Variants in PCDHGA8 observed in about 807,000 individuals in gnomAD.
PCDHGA8 encodes protocadherin gamma-A8.
In PCDHGA8, 45 loss-of-function variants were observed where a neutral mutation model predicts 59.2. The ratio of observed to expected loss-of-function variants is 0.76; its 90% CI spans 0.60 to 0.98. The LOEUF is 0.98. Ranked by LOEUF, PCDHGA8 falls within the 50% of genes least tolerant of loss-of-function variation. The pLI, the probability that PCDHGA8 is intolerant of heterozygous loss-of-function variation, is 0.00. For synonymous variants in PCDHGA8, 531 were observed against 519.0 expected, an observed-to-expected ratio of 1.02 and a Z score of -0.32; for missense variants, 1,257 against 1,196.2, an observed-to-expected ratio of 1.05 and a Z score of -0.75.
chr5:141,437,385 C>T (rs543945898), intron 1 of PCDHGA8, among the ~76,000 whole-genome samples: 12 of 152,202 alleles, frequency 7.9e-5, no homozygotes, highest in Non-Finnish European at 1.6e-4. Flanking sequence ...AGAAGACATT[C>T]ATCCACTGCT....
chr5:141,427,994 C>T, intron 1 of PCDHGA8: 1 of 1,599,396 alleles, frequency 6.3e-7, no homozygotes, highest in Non-Finnish European at 8.6e-7. Flanking sequence ...CCGATGGCTC[C>T]GCACTCTTCG....
intron 1 of PCDHGA8, among the ~76,000 whole-genome samples, chr5:141,474,684 T>A (rs1302389621): frequency 6.6e-6 from 1 of 152,246 alleles, no homozygotes; most frequent in Non-Finnish European, 1.5e-5. Context: ...TGCCTACCCC[T>A]TCACTTATGT....
chr5:141,500,937 C>G (rs910002814), intron 2 of PCDHGA8, among the ~76,000 whole-genome samples: 1 of 151,804 alleles, frequency 6.6e-6, no homozygotes, highest in Non-Finnish European at 1.5e-5. Context: ...GGCGCCATCT[C>G]GGCTCACTGC....
chr5:141,465,801 C>T (rs1380215288), intron 1 of PCDHGA8, among the ~76,000 whole-genome samples: 2 of 151,400 alleles, frequency 1.3e-5, no homozygotes, highest in Non-Finnish European at 2.9e-5. Context: ...TTAAGAAACC[C>T]TTCAGGATCT....
At position 141,454,263 on chromosome 5, in the gene PCDHGA8, T is replaced by C. The variant is rs954231508; in HGVS notation, c.2425-40544T>C. Among the ~76,000 whole-genome samples, 42 of 152,140 alleles carry C rather than the reference T, an allele frequency of 2.8e-4. 1 individual carries two copies. Among genetic ancestry groups the C allele is most frequent in the South Asian group, 1.0e-3 (5 of 4,826 alleles). On this transcript the variant is annotated intron_variant, in intron 1 of 3. Coordinates refer to ENST00000398604, the MANE Select transcript of PCDHGA8 (RefSeq NM_032088.2). Reference sequence around the variant, plus strand: ...GATGAAGATGTCCCAGAGAAAGTAATGCCAGCAAAAACTTCACATTAAAGG... The same window carrying C: ...GATGAAGATGTCCCAGAGAAAGTAACGCCAGCAAAAACTTCACATTAAAGG...
intron 1 of PCDHGA8, among the ~76,000 whole-genome samples, chr5:141,401,149 C>T (rs1398876381): frequency 6.6e-6 from 1 of 152,132 alleles, no homozygotes; most frequent in Non-Finnish European, 1.5e-5. Flanking sequence ...CAAGACCAGC[C>T]TGGGCAATAT....
At chr5:141,412,195 C>T (rs1326751515) in intron 1 of PCDHGA8, 2 of 152,208 alleles carry the variant, frequency 1.3e-5, no homozygotes, top group African/African-American at 4.8e-5. Context: ...CTGATGAAAA[C>T]AGGTCATTTG....
intron 1 of PCDHGA8, chr5:141,403,630 G>A (rs2094436948): frequency 3.1e-6 from 5 of 1,613,786 alleles, no homozygotes; most frequent in Middle Eastern, 3.3e-4. Flanking sequence ...CCAGCACAGT[G>A]CGCATCCATG....
At position 141,432,552 on chromosome 5, in the gene PCDHGA8, C is replaced by G. The variant is rs1181931321; in HGVS notation, c.2424+37315C>G. ...AAGGTGGTGGCGGTGGACAGAGACT[C>G]CGGCCAGAACGCCTGGCTGTCCTAC... On this transcript the variant is annotated intron_variant, in intron 1 of 3. Coordinates refer to ENST00000398604, the MANE Select transcript of PCDHGA8 (RefSeq NM_032088.2). The surrounding 1 kb of genome is among the most constrained non-coding windows in gnomAD (Gnocchi z 6.0). The G allele has an allele frequency of 6.2e-7, 1 of 1,613,970 alleles. No homozygotes were observed. The highest frequency in any genetic ancestry group is 1.1e-5 in the South Asian group (1 of 91,064).
At chr5:141,410,039 G>A (rs1413013254) in intron 1 of PCDHGA8, 2 of 1,613,264 alleles carry the variant, frequency 1.2e-6, no homozygotes, top group South Asian at 1.1e-5. Context: ...GCAGGCCAGT[G>A]AGCCCGGACT....
In PCDHGA8 at chr5:141,485,027, G is replaced by A. The variant is rs1594439784; in HGVS notation, c.2425-9780G>A. ...AATCTACCCCGCCACCAGCAAAAAC[G>A]GCGCGTAACCCTTGCGGCGCCGGCC... is the stretch of plus-strand genomic sequence containing the variant. On this transcript the variant is annotated intron_variant, in intron 1 of 3. Coordinates refer to ENST00000398604, the MANE Select transcript of PCDHGA8 (RefSeq NM_032088.2). The surrounding 1 kb of genome is among the most constrained non-coding windows in gnomAD (Gnocchi z 5.7). 1.5e-6 allele frequency: 1 copy of A among 662,546 alleles called. No individual in the cohort carries two copies. Among genetic ancestry groups the A allele is most frequent in the South Asian group, 1.9e-5 (1 of 53,596 alleles). The allele number at this position is 662,546 out of a possible 1,614,324, so 41.0% of individuals were successfully genotyped here.
intron 1 of PCDHGA8, chr5:141,413,669 A>C: frequency 6.2e-7 from 1 of 1,613,844 alleles, no homozygotes; most frequent in South Asian, 1.1e-5. Flanking sequence ...ATTGATCCGG[A>C]TGTGGGCGTG....
chr5:141,501,288 T>TACAC (rs1562199973), intron 2 of PCDHGA8, among the ~76,000 whole-genome samples: 2 of 81,228 alleles, frequency 2.5e-5, no homozygotes, highest in Admixed American at 1.6e-4. Flanking sequence ...GATATTCCCT[T>TACAC]ATACACACAC....
Position 141,395,354 on chromosome 5 carries a change from T to A in PCDHGA8, c.2424+117T>A, listed in dbSNP as rs375237289. ...ATAATTTTTAAGGTGTATCACAGAG[T>A]TTTGGGTTTATTTTGGTGGTGTTAC... On this transcript the variant is annotated intron_variant, in intron 1 of 3. Coordinates refer to ENST00000398604, the MANE Select transcript of PCDHGA8 (RefSeq NM_032088.2). 28 of 1,357,052 alleles carry A rather than the reference T, an allele frequency of 2.1e-5. No homozygotes were observed. The Middle Eastern group carries it at 1.0e-3, about 51-fold the overall frequency. 84.1% of individuals were successfully genotyped at this position (1,357,052 alleles called of 1,614,324 possible).
At position 141,490,276 on chromosome 5, in the gene PCDHGA8, A is replaced by T; in HGVS notation, c.2425-4531A>T. 1 of 1,614,236 alleles carries T rather than the reference A, an allele frequency of 6.2e-7. No individual in the cohort carries two copies. Among genetic ancestry groups the T allele is most frequent in the Non-Finnish European group, 8.5e-7 (1 of 1,180,036 alleles). On this transcript the variant is annotated intron_variant, in intron 1 of 3. Transcript: ENST00000398604. This position sits in a 1 kb window ranked among gnomAD's most constrained non-coding sequence, Gnocchi z 5.4. ...AGTGGATGTGGGGGATGTCAATGACAATGCCCCAGAGGTGCTATTGGCCTC... is the reference window on the plus strand; with the variant it reads ...AGTGGATGTGGGGGATGTCAATGACTATGCCCCAGAGGTGCTATTGGCCTC...
intron 1 of PCDHGA8, chr5:141,427,469 C>A: frequency 2.0e-6 from 1 of 510,092 alleles, no homozygotes; most frequent in Non-Finnish European, 3.8e-6. Flanking sequence ...TCGAATCTTC[C>A]GCCAATAATG....
chr5:141,459,545 T>G (rs534173050), intron 1 of PCDHGA8, among the ~76,000 whole-genome samples: 81 of 152,348 alleles, frequency 5.3e-4, no homozygotes, highest in South Asian at 1.0e-3. Context: ...TTTTTTTATT[T>G]CTCTTGGATA....
At chr5:141,478,717 C>T (rs1381812771) in intron 1 of PCDHGA8, 1 of 1,545,032 alleles carries the variant, frequency 6.5e-7, no homozygotes, top group South Asian at 1.2e-5. Context: ...GAGATGGTGG[C>T]CTGCCAGAGT....
intron 1 of PCDHGA8, chr5:141,478,028 G>A (rs2099428840): frequency 6.2e-7 from 1 of 1,614,060 alleles, no homozygotes; most frequent in South Asian, 1.1e-5. Flanking sequence ...CCAAGACACA[G>A]ATTCACCCAG....
Sources: allele counts gnomAD v4.1 joint callset (sites outside exome capture counted in the v4.1 genomes callset), GRCh38; gene constraint gnomAD v4.1.1; non-coding constraint Gnocchi (gnomAD v3.1); transcripts MANE v1.5; gene names NCBI Gene and HGNC (gene_info 2026-07-23, HGNC 2026-07-21).